Variants in FANCL observed in about 807,000 individuals in gnomAD.
FANCL encodes FA complementation group L, also known as E3 ubiquitin-protein ligase FANCL.
FANCL carries 69 observed loss-of-function variants against 59.4 expected under a neutral mutation model. The ratio of observed to expected loss-of-function variants is 1.16; its 90% CI spans 0.96 to 1.42. The LOEUF is 1.42. Ranked by LOEUF, FANCL falls within the 40% of genes most tolerant of loss-of-function variation. The pLI is 0.00. For synonymous variants in FANCL, 180 were observed against 147.1 expected, an observed-to-expected ratio of 1.22 and a Z score of -1.62; for missense variants, 519 against 447.2, an observed-to-expected ratio of 1.16 and a Z score of -1.45.
intron 7 of FANCL, among the ~76,000 whole-genome samples, chr2:58,194,000 T>C (rs533153629): frequency 3.9e-5 from 6 of 152,304 alleles, no homozygotes; most frequent in South Asian, 2.1e-4. Flanking sequence ...TGCTATGTAA[T>C]AGGACTGACT....
At chr2:58,234,860 T>C (rs1573831848) in intron 1 of FANCL, among the ~76,000 whole-genome samples, 1 of 152,076 alleles carries the variant, frequency 6.6e-6, no homozygotes, top group Admixed American at 6.6e-5. Context: ...CTAGCTATTA[T>C]GGAGTTAAAA....
intron 1 of FANCL, among the ~76,000 whole-genome samples, chr2:58,238,882 A>C (rs1257184497): frequency 6.6e-6 from 1 of 152,192 alleles, no homozygotes; most frequent in Non-Finnish European, 1.5e-5. Context: ...CACTGATGAG[A>C]GGAAATGCAA....
intron 5 of FANCL, among the ~76,000 whole-genome samples, chr2:58,220,169 T>C (rs192623562): frequency 2.1e-3 from 326 of 152,364 alleles, no homozygotes; most frequent in Non-Finnish European, 3.3e-3. Context: ...GGCTGTAATT[T>C]TTATCAAGAC....
At chr2:58,180,265 G>T (rs547863813) in intron 7 of FANCL, among the ~76,000 whole-genome samples, 1 of 151,924 alleles carries the variant, frequency 6.6e-6, no homozygotes, top group Admixed American at 6.6e-5. Context: ...ATAAAGACAT[G>T]CATACATATG....
intron 6 of FANCL, among the ~76,000 whole-genome samples, chr2:58,202,187 A>G (rs922122745): frequency 2.0e-5 from 3 of 149,766 alleles, no homozygotes; most frequent in South Asian, 4.2e-4. Context: ...TTTGAAAGTA[A>G]AAGTTTGACA....
At chr2:58,227,536 T>C (rs923764024) in intron 3 of FANCL, among the ~76,000 whole-genome samples, 2 of 152,206 alleles carry the variant, frequency 1.3e-5, no homozygotes, top group Admixed American at 1.3e-4. Context: ...CACGTCATTC[T>C]GCCGGTCAAT....
chr2:58,226,552 C>T (rs977638105), intron 4 of FANCL, among the ~76,000 whole-genome samples, 176 bp downstream of exon 4: 6 of 152,010 alleles, frequency 3.9e-5, no homozygotes, highest in Non-Finnish European at 8.8e-5. Context: ...ACAGTTATGT[C>T]CCTCATGCAG....
chr2:58,201,840 T>C (rs1191829778), intron 6 of FANCL, among the ~76,000 whole-genome samples: 2 of 152,032 alleles, frequency 1.3e-5, no homozygotes, highest in African/African-American at 4.8e-5. Context: ...AGTGGTAGAA[T>C]TGGGAAAGTA....
intron 7 of FANCL, among the ~76,000 whole-genome samples, chr2:58,168,532 A>G (rs1175081225): frequency 1.3e-5 from 2 of 152,066 alleles, no homozygotes; most frequent in Non-Finnish European, 2.9e-5. Flanking sequence ...ATTTGGGCAG[A>G]CATTGAGCTA....
chr2:58,216,180 G>A (rs1558804827), intron 5 of FANCL, among the ~76,000 whole-genome samples: 1 of 152,226 alleles, frequency 6.6e-6, no homozygotes, highest in East Asian at 1.9e-4. Context: ...AGCTCTAAAG[G>A]GTTATAGCTT....
chr2:58,193,478 T>C (rs1181702961), intron 7 of FANCL, among the ~76,000 whole-genome samples: 1 of 152,062 alleles, frequency 6.6e-6, no homozygotes, highest in Non-Finnish European at 1.5e-5. Flanking sequence ...GGTGACTAAG[T>C]CTATAGGTCA....
intron 5 of FANCL, among the ~76,000 whole-genome samples, chr2:58,215,958 T>C (rs1691677852): frequency 6.6e-6 from 1 of 152,050 alleles, no homozygotes; most frequent in Non-Finnish European, 1.5e-5. Flanking sequence ...ATTCAGGGCC[T>C]ACCAGTGAGA....
intron 7 of FANCL, among the ~76,000 whole-genome samples, chr2:58,195,561 GAGA>G (rs1213196609): frequency 6.6e-6 from 1 of 151,910 alleles, no homozygotes; most frequent in Non-Finnish European, 1.5e-5. Context: ...GAAACCACAA[GAGA>G]AGGATGTGAC....
chr2:58,195,856 A>C (rs1485875810), intron 7 of FANCL, among the ~76,000 whole-genome samples: 1 of 152,110 alleles, frequency 6.6e-6, no homozygotes, highest in African/African-American at 2.4e-5. Context: ...ATTTGTCAAT[A>C]CTGCGTAACC....
intron 12 of FANCL, among the ~76,000 whole-genome samples, 183 bp from the exon 13 acceptor site, chr2:58,160,362 T>TAAC (rs1209238368): frequency 6.6e-5 from 10 of 151,966 alleles, no homozygotes. Context: ...AGATGTTGAG[T>TAAC]AACAAGGGAA....
chr2:58,215,944 TG>T, intron 5 of FANCL, among the ~76,000 whole-genome samples: 1 of 152,048 alleles, frequency 6.6e-6, no homozygotes, highest in South Asian at 2.1e-4. Context: ...AGAAATTAAT[TG>T]GAATTCAGGG....
intron 4 of FANCL, among the ~76,000 whole-genome samples, chr2:58,226,110 T>TA (rs1188790745): frequency 6.6e-6 from 1 of 152,062 alleles, no homozygotes; most frequent in African/African-American, 2.4e-5. Flanking sequence ...GTCTTTCTTC[T>TA]AAAAAAGTAG....
At chr2:58,163,412 G>C (rs10445896) in intron 9 of FANCL, 22 bp downstream of exon 9, 1 of 1,524,104 alleles carries the variant, frequency 6.6e-7, no homozygotes, top group Non-Finnish European at 9.1e-7. Context: ...ATTAAAAAAC[G>C]TTTAAATCTC....
Position 58,159,677 on chromosome 2 carries a change from C to A in FANCL, c.*88G>T. 1 of 1,612,572 alleles carries A rather than the reference C, an allele frequency of 6.2e-7. No homozygotes were observed. Among genetic ancestry groups the A allele is most frequent in the Non-Finnish European group, 8.5e-7 (1 of 1,179,380 alleles). The stretch of plus-strand genomic sequence containing the variant: ...GTCCTTTTGATGTTAGTATTTCTTG[C>A]TTTATTTTTTCTCTGAAGATGATAC... On this transcript the variant is annotated 3_prime_UTR_variant, in exon 14 of 14. Transcript: ENST00000233741.
Sources: allele counts gnomAD v4.1 joint callset (sites outside exome capture counted in the v4.1 genomes callset), GRCh38; gene constraint gnomAD v4.1.1; transcripts MANE v1.5; gene names NCBI Gene and HGNC (gene_info 2026-07-23, HGNC 2026-07-21).